The following RBMS3 variants were observed in gnomAD, a reference collection of about 807,000 sequenced individuals.
RBMS3 encodes RNA binding motif single stranded interacting protein 3.
RBMS3 carries 27 observed loss-of-function variants against 66.8 expected under a neutral mutation model. That is an observed-to-expected ratio of 0.40 (90% CI 0.30 to 0.56). RBMS3 has a LOEUF of 0.56. Ranked by LOEUF, RBMS3 falls within the 20% of genes least tolerant of loss-of-function variation. The probability of loss-of-function intolerance (pLI) is 0.40; values close to 1 mark genes in which losing one functional copy is unlikely to be tolerated. For synonymous variants in RBMS3, 188 were observed against 183.0 expected (o/e 1.03, Z -0.22); for missense variants, 513 against 549.5 (o/e 0.93, Z 0.66).
intron 4 of RBMS3, among the ~76,000 whole-genome samples, chr3:29,701,353 G>A (rs1011417713): frequency 6.6e-6 from 1 of 152,190 alleles, no homozygotes; most frequent in Non-Finnish European, 1.5e-5. Context: ...GAACCAGAAT[G>A]TAAGAGCTCA....
intron 4 of RBMS3, among the ~76,000 whole-genome samples, chr3:29,617,805 T>C (rs1239433431): frequency 6.6e-6 from 1 of 152,186 alleles, no homozygotes. Flanking sequence ...TATATTCATT[T>C]CTTCTTCCTA....
chr3:29,727,540 T>G (rs1172184711), intron 4 of RBMS3, among the ~76,000 whole-genome samples: 1 of 151,932 alleles, frequency 6.6e-6, no homozygotes, highest in Non-Finnish European at 1.5e-5. Flanking sequence ...TATCAAAAAG[T>G]AGGCAAAGGA....
intron 6 of RBMS3, among the ~76,000 whole-genome samples, chr3:29,842,165 T>C (rs2058676874): frequency 6.6e-6 from 1 of 152,156 alleles, no homozygotes; most frequent in Non-Finnish European, 1.5e-5. Flanking sequence ...AGCATATTAT[T>C]TTGAAGTTGC....
chr3:29,460,170 A>G (rs898987679), intron 2 of RBMS3, among the ~76,000 whole-genome samples: 29 of 152,232 alleles, frequency 1.9e-4, no homozygotes, highest in African/African-American at 6.5e-4. Flanking sequence ...TAAAATCGAT[A>G]CACCATTGGT....
chr3:29,704,798 T>C (rs1278644310), intron 4 of RBMS3, among the ~76,000 whole-genome samples: 1 of 152,218 alleles, frequency 6.6e-6, no homozygotes, highest in Non-Finnish European at 1.5e-5. Context: ...CAGATTTTTT[T>C]GACAGGAAAA....
chr3:29,381,949 C>G (rs979757931), intron 1 of RBMS3, among the ~76,000 whole-genome samples: 2 of 152,036 alleles, frequency 1.3e-5, no homozygotes, highest in African/African-American at 4.8e-5. Context: ...CCCTGTATAT[C>G]TCTTTCTTTC....
At chr3:29,508,288 G>T (rs1403980788) in intron 3 of RBMS3, among the ~76,000 whole-genome samples, 1 of 152,110 alleles carries the variant, frequency 6.6e-6, no homozygotes, top group African/African-American at 2.4e-5. Flanking sequence ...TGCCATGGTG[G>T]TTTGCTGCAC....
In RBMS3 at chr3:29,868,908, C is replaced by G. The variant is rs763252410; in HGVS notation, c.688C>G (p.Arg230Gly). Residue 230 changes from arginine (R) to glycine (G), a missense_variant, in exon 7 of 15, where the codon CGA (arginine) becomes GGA (glycine). Coordinates refer to ENST00000383767, the MANE Select transcript of RBMS3 (RefSeq NM_001003793.3). ...ATTCGCTGATGGAGGACAAAAGAAG[C>G]GACAGAATCAAAGCAAATATACCCA... is the stretch of plus-strand genomic sequence containing the variant. ...CKFADGGQKK[R>G]QNQSKYTQNG... The G allele has an allele frequency of 6.2e-7, 1 of 1,604,834 alleles. No homozygotes were observed. Among genetic ancestry groups the G allele is most frequent in the African/African-American group, 1.3e-5 (1 of 74,770 alleles).
At chr3:29,897,287 A>G (rs977012518) in intron 8 of RBMS3, 92 bp from the exon 9 acceptor site, 23 of 1,136,886 alleles carry the variant, frequency 2.0e-5, no homozygotes, top group Non-Finnish European at 2.8e-5. Context: ...GCGGGTGGAA[A>G]TATGTCTTTC....
At chr3:29,287,821 T>G (rs2032488010) in intron 1 of RBMS3, among the ~76,000 whole-genome samples, 1 of 152,082 alleles carries the variant, frequency 6.6e-6, no homozygotes. Flanking sequence ...GAATTGGCTA[T>G]TTTTAGATTT....
intron 12 of RBMS3, among the ~76,000 whole-genome samples, chr3:29,964,531 A>C (rs970976047): frequency 2.0e-5 from 3 of 152,074 alleles, no homozygotes; most frequent in Non-Finnish European, 2.9e-5. Context: ...CTTTTCTAAA[A>C]ACTTTCTTTT....
intron 6 of RBMS3, among the ~76,000 whole-genome samples, chr3:29,834,557 G>A (rs546398609): frequency 2.0e-5 from 3 of 152,028 alleles, no homozygotes; most frequent in African/African-American, 7.2e-5. Flanking sequence ...AGTAATACAC[G>A]TAAAATAGAT....
chr3:29,851,984 A>G (rs2058946325), intron 6 of RBMS3, among the ~76,000 whole-genome samples: 2 of 152,250 alleles, frequency 1.3e-5, no homozygotes, highest in South Asian at 2.1e-4. Context: ...AAACAGACAC[A>G]TAGGCCAATG....
chr3:29,774,169 T>C (rs1260757979), intron 6 of RBMS3, among the ~76,000 whole-genome samples: 1 of 152,062 alleles, frequency 6.6e-6, no homozygotes, highest in Non-Finnish European at 1.5e-5. Flanking sequence ...TCAGGATAGA[T>C]TGAGGGAGGT....
At chr3:29,360,141 G>A (rs965762396) in intron 1 of RBMS3, among the ~76,000 whole-genome samples, 26 of 151,748 alleles carry the variant, frequency 1.7e-4, no homozygotes, top group African/African-American at 6.0e-4. Flanking sequence ...GTGATGTTAG[G>A]GTGTCAATTT....
At chr3:29,349,483 C>T (rs1256225793) in intron 1 of RBMS3, among the ~76,000 whole-genome samples, 2 of 152,216 alleles carry the variant, frequency 1.3e-5, no homozygotes, top group Non-Finnish European at 2.9e-5. Flanking sequence ...CGTATTAACT[C>T]AGAGCAACAT....
At chr3:29,827,080 C>A (rs1427407175) in intron 6 of RBMS3, among the ~76,000 whole-genome samples, 1 of 152,056 alleles carries the variant, frequency 6.6e-6, no homozygotes, top group Non-Finnish European at 1.5e-5. Flanking sequence ...AGCAAGTTAA[C>A]TATTGTGTTT....
chr3:29,579,291 G>C (rs2149081030), intron 3 of RBMS3, among the ~76,000 whole-genome samples: 1 of 152,288 alleles, frequency 6.6e-6, no homozygotes, highest in Non-Finnish European at 1.5e-5. Context: ...ATGAGTACAA[G>C]CATGCTTCCC....
chr3:29,552,287 G>C (rs2046204335), intron 3 of RBMS3, among the ~76,000 whole-genome samples: 1 of 152,140 alleles, frequency 6.6e-6, no homozygotes, highest in African/African-American at 2.4e-5. Flanking sequence ...GGAAGTTGTA[G>C]TTATTATTCC....
Sources: allele counts gnomAD v4.1 joint callset (sites outside exome capture counted in the v4.1 genomes callset), GRCh38; gene constraint gnomAD v4.1.1; transcripts MANE v1.5; gene names NCBI Gene and HGNC (gene_info 2026-07-23, HGNC 2026-07-21).